The following GALNTL6 variants were observed in gnomAD, a reference collection of about 807,000 sequenced individuals.
GALNTL6 encodes polypeptide N-acetylgalactosaminyltransferase like 6.
In GALNTL6, 46 loss-of-function variants were observed where a neutral mutation model predicts 73.7. That is an observed-to-expected ratio of 0.62 (90% CI 0.49 to 0.80). GALNTL6 has a LOEUF of 0.80. GALNTL6 is among the 30% of genes least tolerant of loss of function. GALNTL6 has a pLI of 0.00. For synonymous variants in GALNTL6, 259 were observed against 263.7 expected (o/e 0.98, Z 0.17); for missense variants, 604 against 755.0 (o/e 0.80, Z 2.34).
At chr4:172,317,536 A>T (rs1740605140) in intron 4 of GALNTL6, among the ~76,000 whole-genome samples, 1 of 152,244 alleles carries the variant, frequency 6.6e-6, no homozygotes, top group African/African-American at 2.4e-5. Context: ...GTGTATTCTA[A>T]TTTCACAATT....
At chr4:172,802,858 G>A (rs1011502099) in intron 5 of GALNTL6, among the ~76,000 whole-genome samples, 4 of 151,022 alleles carry the variant, frequency 2.6e-5, no homozygotes, top group African/African-American at 9.9e-5. Context: ...CTGGCACCTG[G>A]AACTATCTAG....
chr4:172,928,829 T>C (rs941321345), intron 8 of GALNTL6, among the ~76,000 whole-genome samples: 4 of 152,218 alleles, frequency 2.6e-5, no homozygotes, highest in Admixed American at 1.3e-4. Context: ...AAATTCCCCT[T>C]AGAAGGAAAT....
chr4:172,958,202 T>A (rs1173232451), intron 10 of GALNTL6, among the ~76,000 whole-genome samples: 1 of 152,158 alleles, frequency 6.6e-6, no homozygotes, highest in East Asian at 1.9e-4. Flanking sequence ...TAGTTTGTGA[T>A]TCTAAGGGCC....
chr4:171,992,126 C>A (rs879702861), intron 2 of GALNTL6, among the ~76,000 whole-genome samples: 1 of 151,946 alleles, frequency 6.6e-6, no homozygotes, highest in Admixed American at 6.6e-5. Flanking sequence ...GATATCTTTT[C>A]AGTGGAAAGC....
At chr4:172,875,501 A>G (rs912813441) in intron 7 of GALNTL6, among the ~76,000 whole-genome samples, 1 of 152,174 alleles carries the variant, frequency 6.6e-6, no homozygotes, top group Non-Finnish European at 1.5e-5. Flanking sequence ...TACATTTTGT[A>G]TGTCCCCAGA....
At chr4:172,353,909 A>G (rs1316514353) in intron 5 of GALNTL6, among the ~76,000 whole-genome samples, 1 of 152,150 alleles carries the variant, frequency 6.6e-6, no homozygotes, top group Admixed American at 6.6e-5. Flanking sequence ...TCAAGTCTTG[A>G]ATTCAATTTC....
intron 2 of GALNTL6, among the ~76,000 whole-genome samples, chr4:171,830,998 A>T (rs1460160669): frequency 6.6e-6 from 1 of 152,166 alleles, no homozygotes; most frequent in Non-Finnish European, 1.5e-5. Flanking sequence ...GACTGAGTTC[A>T]TTAATACACA....
At chr4:172,470,685 G>A (rs871713) in intron 5 of GALNTL6, among the ~76,000 whole-genome samples, 2,627 of 152,036 alleles carry the variant, frequency 0.017, 73 homozygotes, top group African/African-American at 0.057. Context: ...TTAAAAAAAG[G>A]AAAAAAAGGT....
At chr4:172,352,152 T>C (rs1741964920) in intron 5 of GALNTL6, among the ~76,000 whole-genome samples, 1 of 152,148 alleles carries the variant, frequency 6.6e-6, no homozygotes, top group Non-Finnish European at 1.5e-5. Context: ...TATTAGATAA[T>C]CACAGAATAA....
intron 2 of GALNTL6, among the ~76,000 whole-genome samples, chr4:172,185,406 A>G (rs1160826878): frequency 6.6e-6 from 1 of 152,206 alleles, no homozygotes; most frequent in Admixed American, 6.5e-5. Flanking sequence ...GTTACACCAC[A>G]ACTCTCAATC....
chr4:172,217,145 G>A (rs1736521096), intron 2 of GALNTL6, among the ~76,000 whole-genome samples: 1 of 152,064 alleles, frequency 6.6e-6, no homozygotes, highest in Non-Finnish European at 1.5e-5. Context: ...AAAGGTGTTG[G>A]ACTCTTAGTT....
intron 5 of GALNTL6, among the ~76,000 whole-genome samples, chr4:172,370,448 AC>A (rs1325268278): frequency 2.0e-5 from 3 of 151,582 alleles, no homozygotes; most frequent in Non-Finnish European, 4.4e-5. Context: ...ACGTGGTGAA[AC>A]CCCATCTCTA....
intron 10 of GALNTL6, among the ~76,000 whole-genome samples, chr4:172,977,871 C>T (rs1243118437): frequency 1.3e-5 from 2 of 152,156 alleles, no homozygotes; most frequent in East Asian, 1.9e-4. Flanking sequence ...GGCACATTCT[C>T]GCTCTGTTGC....
intron 5 of GALNTL6, among the ~76,000 whole-genome samples, chr4:172,587,716 C>A (rs1737468741): frequency 6.6e-6 from 1 of 152,184 alleles, no homozygotes; most frequent in African/African-American, 2.4e-5. Flanking sequence ...TCTAGCAATG[C>A]CTCCTCCCAG....
intron 7 of GALNTL6, among the ~76,000 whole-genome samples, chr4:172,869,706 A>G (rs1261870727): frequency 6.6e-6 from 1 of 152,174 alleles, no homozygotes; most frequent in Non-Finnish European, 1.5e-5. Flanking sequence ...ATGCCAGCCT[A>G]CATCCTTTCA....
intron 5 of GALNTL6, among the ~76,000 whole-genome samples, chr4:172,572,064 G>A (rs889114640): frequency 2.0e-5 from 3 of 152,110 alleles, no homozygotes; most frequent in Admixed American, 2.0e-4. Flanking sequence ...TCCCCAGACT[G>A]AAATGATGAT....
rs193082745 is a variant in GALNTL6, at chr4:172,475,055, A to G, written c.553+126366A>G. Among the ~76,000 whole-genome samples the G allele has an allele frequency of 2.9e-4, 44 of 152,298 alleles. No individual in the cohort carries two copies. The East Asian group carries it at 4.1e-3, about 14-fold the overall frequency. ...GTGCTGAGTGTAATTTTATTTATTG[A>G]TTTCCTTCGTTCTAGAGTTGGTGAA... On this transcript the variant is annotated intron_variant, in intron 5 of 12. Transcript: ENST00000506823.
In GALNTL6 at chr4:172,699,489, A is replaced by G. The variant is rs555245629; in HGVS notation, c.554-109872A>G. On this transcript the variant is annotated intron_variant, in intron 5 of 12. Transcript: ENST00000506823. The stretch of plus-strand genomic sequence containing the variant: ...AGGAAGAGAAATGAGTTTATTTTAT[A>G]AATAACCTTCTCTCAGAGTTGCCAA... Among the ~76,000 whole-genome samples the G allele has an allele frequency of 1.4e-3, 218 of 152,306 alleles. 1 individual carries two copies. The highest frequency in any genetic ancestry group is 5.0e-3 in the African/African-American group (209 of 41,576).
intron 5 of GALNTL6, among the ~76,000 whole-genome samples, chr4:172,792,353 A>G (rs201500864): frequency 0.027 from 4,124 of 150,578 alleles, 149 homozygotes; most frequent in East Asian, 0.21. Flanking sequence ...ACACGTGTGT[A>G]CTACATATGT....
Sources: allele counts gnomAD v4.1 joint callset (sites outside exome capture counted in the v4.1 genomes callset), GRCh38; gene constraint gnomAD v4.1.1; transcripts MANE v1.5; gene names NCBI Gene and HGNC (gene_info 2026-07-23, HGNC 2026-07-21).